Variants in HECW2 observed in about 807,000 individuals in gnomAD.
HECW2 encodes the protein HECT, C2 and WW domain containing E3 ubiquitin protein ligase 2.
Under a neutral mutation model 175.2 loss-of-function variants are expected in HECW2, and 61 were observed. That is an observed-to-expected ratio of 0.35 (90% confidence interval 0.28 to 0.43). HECW2 has a LOEUF of 0.43. HECW2 is among the 20% of genes least tolerant of loss of function. The pLI, the probability that HECW2 is intolerant of heterozygous loss-of-function variation, is 1.00. For missense variants in HECW2, 1,524 were observed against 2,000.5 expected, an observed-to-expected ratio of 0.76 and a Z score of 4.54; for synonymous variants, 671 against 731.0, an observed-to-expected ratio of 0.92 and a Z score of 1.32.
chr2:196,298,579 T>C (rs929440829), intron 13 of HECW2, among the ~76,000 whole-genome samples: 1 of 152,204 alleles, frequency 6.6e-6, no homozygotes, highest in Non-Finnish European at 1.5e-5. Context: ...ACATGTGCCA[T>C]GTTGGTGTGC....
At chr2:196,395,612 A>T (rs1398502180) in intron 2 of HECW2, among the ~76,000 whole-genome samples, 1 of 152,190 alleles carries the variant, frequency 6.6e-6, no homozygotes, top group Non-Finnish European at 1.5e-5. Flanking sequence ...CATTAAAAAG[A>T]TGTTTAACAT....
chr2:196,333,699 T>C (rs1315974089), intron 4 of HECW2, among the ~76,000 whole-genome samples: 3 of 152,224 alleles, frequency 2.0e-5, no homozygotes, highest in African/African-American at 7.2e-5. Context: ...TAGCTGTGTA[T>C]TGTGAGACTG....
At chr2:196,545,821 G>A (rs1446128993) in intron 1 of HECW2, among the ~76,000 whole-genome samples, 2 of 152,168 alleles carry the variant, frequency 1.3e-5, no homozygotes, top group African/African-American at 4.8e-5. Flanking sequence ...GAGAGTAATT[G>A]AAAACCACTT....
Position 196,281,418 on chromosome 2 carries a change from G to A in HECW2, c.3001-2756C>T, listed in dbSNP as rs769862415. 5.9e-5 allele frequency among the ~76,000 whole-genome samples: 9 copies of A among 151,850 alleles called. No individual in the cohort carries two copies. The South Asian group carries it at 6.2e-4, about 11-fold the overall frequency. ...TTTGGAAGGCTGAGGTAGGTGGATC[G>A]CTTGAGCTCAGAAGTTCAAGGCCAG... is the stretch of plus-strand genomic sequence containing the variant. On this transcript the variant is annotated intron_variant, in intron 14 of 28. Coordinates refer to ENST00000644978, the MANE Select transcript of HECW2 (RefSeq NM_001348768.2).
rs1689128709 is a variant in HECW2, at chr2:196,257,918, A to G, written c.3336-12T>C. The stretch of plus-strand genomic sequence containing the variant: ...ATTGGATCTTCTCCCTAATCAAGAA[A>G]AGAAACAGCACAAAATGTATATGGT... On this transcript the variant is annotated splice_polypyrimidine_tract_variant and intron_variant, in intron 17 of 28. Transcript: ENST00000644978. 1 of 1,587,988 alleles carries G rather than the reference A, an allele frequency of 6.3e-7. No individual in the cohort carries two copies. Among genetic ancestry groups the G allele is most frequent in the Admixed American group, 1.7e-5 (1 of 59,912 alleles).
chr2:196,322,433 T>C lies in HECW2; in HGVS notation c.884+45A>G, dbSNP rs1691983838. On this transcript the variant is annotated intron_variant, in intron 7 of 28. Transcript: ENST00000644978. Reference sequence around the variant, plus strand: ...CCAAGTTTCATGTCATTTTTTCCTATATGAACTAATCTCAACAAGATCCCC... The same window carrying C: ...CCAAGTTTCATGTCATTTTTTCCTACATGAACTAATCTCAACAAGATCCCC... 5 of 1,551,906 alleles carry C rather than the reference T, an allele frequency of 3.2e-6. No homozygotes were observed. The East Asian group carries it at 6.8e-5, about 21-fold the overall frequency.
chr2:196,548,959 T>A (rs146367989), intron 1 of HECW2, among the ~76,000 whole-genome samples: 4 of 152,262 alleles, frequency 2.6e-5, no homozygotes, highest in Non-Finnish European at 5.9e-5. Context: ...TTTAGCTTAA[T>A]TACCTCTTTA....
chr2:196,391,586 A>G (rs774444812), intron 2 of HECW2, among the ~76,000 whole-genome samples: 2 of 152,098 alleles, frequency 1.3e-5, no homozygotes, highest in Non-Finnish European at 2.9e-5. Flanking sequence ...CTACTTTTCA[A>G]AGTTTAGTTC....
At chr2:196,235,645 ATTCTTTTTTT>A (rs1383598239) in intron 21 of HECW2, among the ~76,000 whole-genome samples, 111 of 100,552 alleles carry the variant, frequency 1.1e-3, no homozygotes, top group African/African-American at 4.1e-3. Flanking sequence ...TAGATGCATT[ATTCTTTTTTT>A]TTTTTTTTTT....
intron 1 of HECW2, among the ~76,000 whole-genome samples, chr2:196,443,176 T>C (rs1422109332): frequency 6.6e-6 from 1 of 152,140 alleles, no homozygotes; most frequent in African/African-American, 2.4e-5. Context: ...TGGGCAATTC[T>C]ACCAAAACTG....
intron 1 of HECW2, among the ~76,000 whole-genome samples, chr2:196,556,142 T>C (rs1689784669): frequency 6.6e-6 from 1 of 152,222 alleles, no homozygotes; most frequent in Non-Finnish European, 1.5e-5. Flanking sequence ...AGGCCTATTT[T>C]CTTCTTCTTG....
chr2:196,518,015 T>C (rs575150527), intron 1 of HECW2, among the ~76,000 whole-genome samples: 1 of 152,314 alleles, frequency 6.6e-6, no homozygotes, highest in Admixed American at 6.5e-5. Context: ...CTTTAATGTT[T>C]GTGTTAATCA....
At chr2:196,439,048 T>C (rs1335860528) in intron 1 of HECW2, among the ~76,000 whole-genome samples, 2 of 152,188 alleles carry the variant, frequency 1.3e-5, no homozygotes, top group Non-Finnish European at 2.9e-5. Context: ...TGTAAGTCAG[T>C]ACATAAATCA....
intron 14 of HECW2, among the ~76,000 whole-genome samples, chr2:196,280,440 A>T (rs2105992610): frequency 6.6e-6 from 1 of 152,364 alleles, no homozygotes; most frequent in Non-Finnish European, 1.5e-5. Context: ...GGTCCCATAT[A>T]GAAAACATTT....
intron 1 of HECW2, among the ~76,000 whole-genome samples, chr2:196,527,253 G>C (rs1018157806): frequency 2.6e-5 from 4 of 152,218 alleles, no homozygotes; most frequent in African/African-American, 9.6e-5. Flanking sequence ...AGGTGCGTCC[G>C]TCACCCCTTT....
intron 2 of HECW2, among the ~76,000 whole-genome samples, chr2:196,426,792 CTTAG>C (rs1695561080): frequency 6.6e-6 from 1 of 152,054 alleles, no homozygotes; most frequent in South Asian, 2.1e-4. Flanking sequence ...CATTCTAGAC[CTTAG>C]TTATTTATTT....
chr2:196,280,457 C>T (rs769138457), intron 14 of HECW2, among the ~76,000 whole-genome samples: 1 of 152,160 alleles, frequency 6.6e-6, no homozygotes, highest in Non-Finnish European at 1.5e-5. Flanking sequence ...ATTTTTACAT[C>T]TTTATAAAGA....
chr2:196,543,699 G>A (rs1453496125), intron 1 of HECW2, among the ~76,000 whole-genome samples: 29 of 151,922 alleles, frequency 1.9e-4, no homozygotes, highest in Admixed American at 1.7e-3. Context: ...TGCAACTTCC[G>A]CCTGCTGGGT....
At chr2:196,481,994 G>A (rs1025339971) in intron 1 of HECW2, among the ~76,000 whole-genome samples, 1 of 152,028 alleles carries the variant, frequency 6.6e-6, no homozygotes, top group Non-Finnish European at 1.5e-5. Flanking sequence ...CTTCAGGGTG[G>A]GATACATAAT....
Sources: allele counts gnomAD v4.1 joint callset (sites outside exome capture counted in the v4.1 genomes callset), GRCh38; gene constraint gnomAD v4.1.1; transcripts MANE v1.5; gene names NCBI Gene and HGNC (gene_info 2026-07-23, HGNC 2026-07-21).